Variants in ESR1 observed in about 807,000 individuals in gnomAD.
ESR1 encodes estrogen receptor.
A neutral mutation model predicts 52.7 loss-of-function variants in ESR1; 12 were observed. The observed-to-expected ratio is 0.23, with a 90% CI of 0.15 to 0.37. The LOEUF is 0.37. ESR1 is among the 10% of genes least tolerant of loss of function. The pLI is 1.00. For synonymous variants in ESR1, 305 were observed against 316.8 expected (o/e 0.96, Z 0.39); for missense variants, 584 against 779.7 (o/e 0.75, Z 2.99).
At chr6:151,656,712 T>C (rs1777467796) in exon 1 of ESR1, 1 of 152,182 alleles carries the variant, frequency 6.6e-6, no homozygotes, top group South Asian at 2.1e-4. Flanking sequence ...ATCTCCAAAA[T>C]CTGATACCAA....
At chr6:152,025,477 C>T (rs573033566) in intron 5 of ESR1, among the ~76,000 whole-genome samples, 1 of 151,916 alleles carries the variant, frequency 6.6e-6, no homozygotes, top group East Asian at 1.9e-4. Flanking sequence ...TATATCAAAT[C>T]TTCTGTTAAA....
At chr6:151,882,630 G>A (rs1001953436) in intron 3 of ESR1, among the ~76,000 whole-genome samples, 3 of 152,136 alleles carry the variant, frequency 2.0e-5, no homozygotes, top group African/African-American at 7.2e-5. Context: ...GCGATTATAT[G>A]TAGGTTAAGC....
chr6:151,762,368 C>T (rs1439512289), intron 2 of ESR1, among the ~76,000 whole-genome samples: 1 of 152,108 alleles, frequency 6.6e-6, no homozygotes, highest in Non-Finnish European at 1.5e-5. Flanking sequence ...ATAGGCTTTG[C>T]AAGTTATTTT....
intron 5 of ESR1, among the ~76,000 whole-genome samples, chr6:152,045,032 A>T (rs2046115411): frequency 6.6e-6 from 1 of 152,240 alleles, no homozygotes; most frequent in African/African-American, 2.4e-5. Flanking sequence ...TGTAAGGCTT[A>T]TATCAGTATA....
intron 1 of ESR1, 142 bp downstream of exon 1, chr6:151,808,506 G>A: frequency 1.6e-6 from 1 of 628,736 alleles, no homozygotes; most frequent in Non-Finnish European, 2.4e-6. Flanking sequence ...AGCCCGGGGC[G>A]CGCGGCCCAG....
At chr6:152,027,384 A>T (rs193258160) in intron 5 of ESR1, among the ~76,000 whole-genome samples, 1 of 152,166 alleles carries the variant, frequency 6.6e-6, no homozygotes, top group Non-Finnish European at 1.5e-5. Flanking sequence ...AAGATATTTA[A>T]TGTCCACCTT....
At chr6:151,708,234 A>G (rs113223168) in intron 2 of ESR1, among the ~76,000 whole-genome samples, 3 of 152,144 alleles carry the variant, frequency 2.0e-5, no homozygotes, top group Admixed American at 1.3e-4. Flanking sequence ...TGTCTTAAAG[A>G]TTCTGATAAA....
At chr6:151,902,839 A>G (rs1483859693) in intron 3 of ESR1, among the ~76,000 whole-genome samples, 1 of 152,214 alleles carries the variant, frequency 6.6e-6, no homozygotes, top group Non-Finnish European at 1.5e-5. Context: ...TAATCTCTAA[A>G]TAAAATGCCA....
intron 2 of ESR1, among the ~76,000 whole-genome samples, chr6:151,790,275 C>T (rs1453995314): frequency 6.6e-6 from 1 of 152,238 alleles, no homozygotes; most frequent in East Asian, 1.9e-4. Flanking sequence ...TGCACAGCCC[C>T]ACGACGACAC....
intron 1 of ESR1, among the ~76,000 whole-genome samples, chr6:151,826,395 T>C (rs1263164687): frequency 6.6e-6 from 1 of 152,092 alleles, no homozygotes; most frequent in Non-Finnish European, 1.5e-5. Flanking sequence ...GAGAGGATAG[T>C]GTCTAGAAAT....
chr6:151,917,283 C>T (rs1038763728), intron 3 of ESR1, among the ~76,000 whole-genome samples: 3 of 152,230 alleles, frequency 2.0e-5, no homozygotes, highest in African/African-American at 7.2e-5. Context: ...CAGGCTGAAC[C>T]TTGGTGTCTT....
chr6:151,775,745 C>CA (rs397954103), intron 2 of ESR1, among the ~76,000 whole-genome samples: 8,432 of 77,152 alleles, frequency 0.11, 254 homozygotes, highest in African/African-American at 0.16. Flanking sequence ...GACTCCGTCT[C>CA]AAAAAAAAAA....
Position 152,061,813 on chromosome 6 carries a change from A to C in ESR1, c.1369+689A>C, listed in dbSNP as rs1032363072. 6.6e-6 allele frequency among the ~76,000 whole-genome samples: 1 copy of C among 152,126 alleles called. No homozygotes were observed. Among genetic ancestry groups the C allele is most frequent in the Non-Finnish European group, 1.5e-5 (1 of 68,018 alleles). On this transcript the variant is annotated intron_variant, in intron 6 of 7. Transcript: ENST00000206249. This position sits in a 1 kb window ranked among gnomAD's most constrained non-coding sequence, Gnocchi z 4.3. ...TGGCTGTTGTATAAAGAGTTACTCTATGTCACCAAGATGGAAACTATGGTT... is the reference window on the plus strand; with the variant it reads ...TGGCTGTTGTATAAAGAGTTACTCTCTGTCACCAAGATGGAAACTATGGTT...
intron 2 of ESR1, among the ~76,000 whole-genome samples, chr6:151,781,436 C>A (rs1786532098): frequency 6.6e-6 from 1 of 152,220 alleles, no homozygotes; most frequent in South Asian, 2.1e-4. Context: ...CTCACAGGCA[C>A]CACCTTTTAA....
At chr6:151,667,098 T>TAG (rs1185126249) in intron 1 of ESR1, among the ~76,000 whole-genome samples, 8 of 152,212 alleles carry the variant, frequency 5.3e-5, no homozygotes, top group Non-Finnish European at 1.0e-4. Context: ...ATTTGCTGTC[T>TAG]GGCCCAGATC....
intron 4 of ESR1, among the ~76,000 whole-genome samples, chr6:151,988,807 A>G (rs1014574270): frequency 2.0e-5 from 3 of 152,144 alleles, no homozygotes; most frequent in African/African-American, 7.2e-5. Flanking sequence ...ATTTGTATAT[A>G]TAAATATACT....
At chr6:151,776,550 C>T (rs2128115350) in intron 2 of ESR1, among the ~76,000 whole-genome samples, 1 of 152,234 alleles carries the variant, frequency 6.6e-6, no homozygotes, top group Non-Finnish European at 1.5e-5. Context: ...GAAGACTGGC[C>T]ACGGAGGCCG....
chr6:151,964,425 T>G (rs183669402), intron 4 of ESR1, among the ~76,000 whole-genome samples: 22 of 152,326 alleles, frequency 1.4e-4, no homozygotes, highest in Admixed American at 3.3e-4. Flanking sequence ...TTTGCTGTTG[T>G]TGCTATTGTA....
intron 3 of ESR1, among the ~76,000 whole-genome samples, chr6:151,925,349 G>C (rs1394659267): frequency 6.6e-6 from 1 of 152,228 alleles, no homozygotes; most frequent in Non-Finnish European, 1.5e-5. Context: ...GCTCACGCCT[G>C]TAATCCCAGC....
Sources: gnomAD v4.1 joint callset for allele counts (sites outside exome capture counted in the v4.1 genomes callset) on GRCh38, gnomAD v4.1.1 for gene constraint, Gnocchi (gnomAD v3.1) non-coding constraint, MANE v1.5 for transcripts, NCBI Gene and HGNC (gene_info 2026-07-23, HGNC 2026-07-21) for gene names.